The following PCDH15 variants were observed in gnomAD, a reference collection of about 807,000 sequenced individuals.
The protein encoded by PCDH15 is protocadherin related 15, also known as protocadherin-15.
A neutral mutation model predicts 178.5 loss-of-function variants in PCDH15; 129 were observed. The observed-to-expected ratio is 0.72, with a 90% CI of 0.63 to 0.84. The LOEUF is 0.84. Ranked by LOEUF, PCDH15 falls within the 40% of genes least tolerant of loss-of-function variation. PCDH15 has a pLI of 0.00. For missense variants in PCDH15, 2,230 were observed against 2,099.9 expected, an observed-to-expected ratio of 1.06 and a Z score of -1.21; for synonymous variants, 800 against 732.0, an observed-to-expected ratio of 1.09 and a Z score of -1.50.
chr10:54,945,659 T>C (rs1056725728), intron 2 of PCDH15, among the ~76,000 whole-genome samples: 1 of 151,754 alleles, frequency 6.6e-6, no homozygotes, highest in Admixed American at 6.6e-5. Flanking sequence ...TTCACCCTAC[T>C]CTAAACAGTA....
intron 2 of PCDH15, among the ~76,000 whole-genome samples, chr10:55,071,191 T>G (rs1359876607): frequency 1.3e-5 from 2 of 152,144 alleles, no homozygotes; most frequent in Non-Finnish European, 1.5e-5. Flanking sequence ...CTGAATCAAC[T>G]AATGAGCAAA....
chr10:54,135,781 A>G (rs1590710352), intron 14 of PCDH15, among the ~76,000 whole-genome samples: 1 of 152,190 alleles, frequency 6.6e-6, no homozygotes, highest in Non-Finnish European at 1.5e-5. Context: ...GATATTCCTG[A>G]GTTAGAATTT....
intron 2 of PCDH15, among the ~76,000 whole-genome samples, chr10:54,897,658 A>C (rs777951314): frequency 6.6e-6 from 1 of 152,128 alleles, no homozygotes; most frequent in Non-Finnish European, 1.5e-5. Flanking sequence ...ATATGTTCTT[A>C]CAGCCAGAAA....
At chr10:55,530,741 ATC>A (rs1276890820) in intron 2 of PCDH15, among the ~76,000 whole-genome samples, 1 of 151,944 alleles carries the variant, frequency 6.6e-6, no homozygotes, top group Non-Finnish European at 1.5e-5. Context: ...TTTGTGGCCT[ATC>A]TCTGGAAAAT....
chr10:54,503,168 T>C (rs1371932834), intron 3 of PCDH15, among the ~76,000 whole-genome samples: 1 of 150,674 alleles, frequency 6.6e-6, no homozygotes, highest in Non-Finnish European at 1.5e-5. Context: ...TGATGGTTTC[T>C]GAACTTCAAC....
chr10:55,439,595 A>ATTT (rs34013835), intron 2 of PCDH15, among the ~76,000 whole-genome samples: 4 of 150,466 alleles, frequency 2.7e-5, no homozygotes, highest in African/African-American at 9.8e-5. Flanking sequence ...AGTTTATGGC[A>ATTT]TTTTTTTTTT....
intron 2 of PCDH15, among the ~76,000 whole-genome samples, chr10:55,111,431 A>G (rs764607672): frequency 5.9e-5 from 9 of 152,236 alleles, no homozygotes; most frequent in Non-Finnish European, 7.3e-5. Context: ...TTAAGAAGAA[A>G]TTCAGGCTAA....
At chr10:54,146,013 A>G (rs970740503) in intron 14 of PCDH15, among the ~76,000 whole-genome samples, 6 of 152,010 alleles carry the variant, frequency 3.9e-5, no homozygotes, top group African/African-American at 1.4e-4. Context: ...CTGTGCCTGC[A>G]TCTGAATCCC....
At chr10:54,148,744 T>C (rs994752989) in intron 14 of PCDH15, among the ~76,000 whole-genome samples, 3 of 152,090 alleles carry the variant, frequency 2.0e-5, no homozygotes, top group Admixed American at 1.3e-4. Context: ...TATTTTATCT[T>C]ATTTTTGACA....
In PCDH15 at chr10:53,834,925, A is replaced by T. The variant is rs375730538; in HGVS notation, c.3984-3392T>A. On this transcript the variant is annotated intron_variant, in intron 29 of 37. Coordinates refer to ENST00000644397, the MANE Select transcript of PCDH15 (RefSeq NM_001384140.1). ...AGATTGTACTCTAGACAGTAGAGGG[A>T]CAACTGTCTATTTCCTTTGTAGGTA... Among the ~76,000 whole-genome samples, 12 of 152,316 alleles carry T rather than the reference A, an allele frequency of 7.9e-5. No individual in the cohort carries two copies. The East Asian group carries it at 2.1e-3, about 27-fold the overall frequency.
At chr10:55,477,212 G>A (rs1589063348) in intron 2 of PCDH15, among the ~76,000 whole-genome samples, 1 of 151,680 alleles carries the variant, frequency 6.6e-6, no homozygotes, top group African/African-American at 2.4e-5. Context: ...TTTCCTCCTA[G>A]ATAGGAGAAA....
rs145921991 is a variant in PCDH15, at chr10:54,972,471, C to T, written c.-79-74971G>A. ...AGGAGAATCGCTTGAACCTGGGAGGCGGAGGTTGTAGTGAGCTGAGATCGC... is the reference window on the plus strand; with the variant it reads ...AGGAGAATCGCTTGAACCTGGGAGGTGGAGGTTGTAGTGAGCTGAGATCGC... On this transcript the variant is annotated intron_variant, in intron 2 of 5. Transcript: ENST00000458638. Among the ~76,000 whole-genome samples the T allele has an allele frequency of 5.3e-3, 807 of 151,888 alleles. 8 individuals carry two copies. The highest frequency in any genetic ancestry group is 0.025 in the South Asian group (118 of 4,810).
intron 15 of PCDH15, among the ~76,000 whole-genome samples, chr10:54,090,691 A>G (rs1271420911): frequency 6.6e-6 from 1 of 151,824 alleles, no homozygotes; most frequent in Non-Finnish European, 1.5e-5. Context: ...AGTGTCGATA[A>G]AGTGTTTAAT....
chr10:55,356,313 G>GA (rs1375993496), intron 2 of PCDH15, among the ~76,000 whole-genome samples: 3 of 151,254 alleles, frequency 2.0e-5, no homozygotes, highest in Admixed American at 2.0e-4. Context: ...AGAACACAAA[G>GA]AAAAAAAGGA....
intron 8 of PCDH15, among the ~76,000 whole-genome samples, chr10:54,301,034 C>A (rs1448709130): frequency 6.6e-6 from 1 of 152,108 alleles, no homozygotes; most frequent in Non-Finnish European, 1.5e-5. Flanking sequence ...TGTGGCTTCA[C>A]TCCTGAAGTC....
At chr10:55,454,235 C>A (rs992930875) in intron 2 of PCDH15, among the ~76,000 whole-genome samples, 3 of 152,036 alleles carry the variant, frequency 2.0e-5, no homozygotes, top group African/African-American at 7.2e-5. Flanking sequence ...TTTCAGAATA[C>A]ATGCAAAGTA....
chr10:55,184,673 T>C (rs907428862), intron 1 of PCDH15, among the ~76,000 whole-genome samples: 1 of 151,890 alleles, frequency 6.6e-6, no homozygotes, highest in African/African-American at 2.4e-5. Context: ...AAATAAAGAT[T>C]TAACACATAC....
At chr10:53,970,332 CA>C (rs1489128504) in intron 21 of PCDH15, among the ~76,000 whole-genome samples, 3 of 152,090 alleles carry the variant, frequency 2.0e-5, no homozygotes. Context: ...TATATGCACC[CA>C]ATACAGGAGC....
chr10:54,259,781 C>G (rs528433636), intron 8 of PCDH15, among the ~76,000 whole-genome samples: 1 of 152,052 alleles, frequency 6.6e-6, no homozygotes, highest in Non-Finnish European at 1.5e-5. Flanking sequence ...CTTGTAAATT[C>G]TACAAGGTTC....
Sources: gnomAD v4.1 joint callset for allele counts (sites outside exome capture counted in the v4.1 genomes callset) on GRCh38, gnomAD v4.1.1 for gene constraint, MANE v1.5 for transcripts, NCBI Gene and HGNC (gene_info 2026-07-23, HGNC 2026-07-21) for gene names.